RGS7: variants seen among roughly 807,000 people sequenced by gnomAD.
The protein encoded by RGS7 is regulator of G-protein signaling 7.
Under a neutral mutation model 81.1 loss-of-function variants are expected in RGS7, and 27 were observed. The observed-to-expected ratio is 0.33, with a 90% CI of 0.25 to 0.46. The LOEUF is 0.46. Among genes scored for constraint, RGS7 ranks in the 20% least tolerant of loss-of-function variants. The pLI is 1.00. For synonymous variants in RGS7, 208 were observed against 207.7 expected (o/e 1.00, Z -0.01); for missense variants, 396 against 607.4 (o/e 0.65, Z 3.66).
At chr1:240,963,888 T>C (rs1681870704) in intron 4 of RGS7, among the ~76,000 whole-genome samples, 1 of 152,224 alleles carries the variant, frequency 6.6e-6, no homozygotes, top group South Asian at 2.1e-4. Flanking sequence ...GGCCCACGCC[T>C]GTAATCCCAG....
chr1:240,800,865 T>C (rs1470063494), intron 17 of RGS7, 144 bp from the exon 18 acceptor site: 10 of 433,126 alleles, frequency 2.3e-5, no homozygotes, highest in Non-Finnish European at 4.1e-5. Context: ...AAGAAAACAC[T>C]GGTAGGAAAA....
At chr1:241,186,247 C>T (rs542619753) in intron 2 of RGS7, among the ~76,000 whole-genome samples, 1 of 152,186 alleles carries the variant, frequency 6.6e-6, no homozygotes, top group Admixed American at 6.5e-5. Flanking sequence ...ACTCAAAAAC[C>T]TGCTTATGAA....
At chr1:241,191,144 G>A (rs1362159008) in intron 2 of RGS7, among the ~76,000 whole-genome samples, 1 of 152,002 alleles carries the variant, frequency 6.6e-6, no homozygotes, top group African/African-American at 2.4e-5. Flanking sequence ...ACCACATTCA[G>A]CTAATTTTTG....
At chr1:241,161,845 G>A (rs2069715179) in intron 2 of RGS7, among the ~76,000 whole-genome samples, 1 of 151,706 alleles carries the variant, frequency 6.6e-6, no homozygotes, top group South Asian at 2.1e-4. Context: ...AGCCACCCGA[G>A]TAGCTGGGAT....
Position 240,827,247 on chromosome 1 carries a change from C to T in RGS7, c.610-75G>A, listed in dbSNP as rs371448092. 301 of 1,194,162 alleles carry T rather than the reference C, an allele frequency of 2.5e-4. 1 individual carries two copies. The highest frequency in any genetic ancestry group is 1.9e-3 in the South Asian group (156 of 82,298). The allele number at this position is 1,194,162 out of a possible 1,614,324, so 74.0% of individuals were successfully genotyped here. ...CTGACCAGGACAATCATGAATGGCT[C>T]GCTCTCCAGAGCCCGAGCAAATGCC... is the stretch of plus-strand genomic sequence containing the variant. On this transcript the variant is annotated intron_variant, in intron 9 of 18. Transcript: ENST00000440928.
chr1:240,954,423 T>C (rs1166392998), intron 4 of RGS7, among the ~76,000 whole-genome samples: 1 of 152,150 alleles, frequency 6.6e-6, no homozygotes, highest in African/African-American at 2.4e-5. Flanking sequence ...ATTGCACATA[T>C]GCAAGCCTGA....
At chr1:241,312,705 A>G (rs937885927) in intron 2 of RGS7, among the ~76,000 whole-genome samples, 1 of 152,178 alleles carries the variant, frequency 6.6e-6, no homozygotes, top group African/African-American at 2.4e-5. Context: ...ACACAACAAC[A>G]TTAAATTTAG....
At chr1:240,955,583 A>AC (rs1680273862) in intron 4 of RGS7, among the ~76,000 whole-genome samples, 8 of 91,278 alleles carry the variant, frequency 8.8e-5, no homozygotes, top group African/African-American at 3.1e-4. Flanking sequence ...AAAAAAAAAA[A>AC]CCGATTTGGA....
At chr1:241,031,055 T>G (rs2060061728) in intron 3 of RGS7, among the ~76,000 whole-genome samples, 2 of 152,214 alleles carry the variant, frequency 1.3e-5, no homozygotes, top group Admixed American at 1.3e-4. Flanking sequence ...CGGCTTTTAG[T>G]AGAACCATCA....
intron 6 of RGS7, among the ~76,000 whole-genome samples, chr1:240,894,560 C>T (rs1668743313): frequency 6.6e-6 from 1 of 151,520 alleles, no homozygotes; most frequent in Non-Finnish European, 1.5e-5. Context: ...ATTATAACGA[C>T]CATATTTATT....
At chr1:241,255,983 A>G (rs1287446306) in intron 2 of RGS7, among the ~76,000 whole-genome samples, 1 of 152,192 alleles carries the variant, frequency 6.6e-6, no homozygotes, top group East Asian at 1.9e-4. Flanking sequence ...AAGACTGAGA[A>G]GTCCTTGAAA....
At chr1:241,220,457 G>A (rs913739175) in intron 2 of RGS7, among the ~76,000 whole-genome samples, 3 of 152,250 alleles carry the variant, frequency 2.0e-5, no homozygotes, top group Admixed American at 6.5e-5. Flanking sequence ...TAGAGCCAGC[G>A]TTAAGAACTT....
chr1:241,098,079 T>G (rs995325785), intron 3 of RGS7, among the ~76,000 whole-genome samples: 3 of 152,198 alleles, frequency 2.0e-5, no homozygotes, highest in Admixed American at 1.3e-4. Flanking sequence ...TCCCGAGCAC[T>G]TTCATCACAA....
At chr1:241,152,320 A>G (rs79467853) in intron 2 of RGS7, among the ~76,000 whole-genome samples, 1,715 of 152,206 alleles carry the variant, frequency 0.011, 39 homozygotes, top group East Asian at 0.058. Context: ...ATATAATCTC[A>G]TGTTTATTAT....
chr1:241,232,337 A>G (rs990319384), intron 2 of RGS7, among the ~76,000 whole-genome samples: 1 of 152,066 alleles, frequency 6.6e-6, no homozygotes, highest in African/African-American at 2.4e-5. Flanking sequence ...CAGGCTTGAG[A>G]CACTGTACTC....
chr1:241,320,455 A>G (rs1475456879), intron 2 of RGS7, among the ~76,000 whole-genome samples: 1 of 152,252 alleles, frequency 6.6e-6, no homozygotes, highest in Non-Finnish European at 1.5e-5. Context: ...TGAATGGATA[A>G]GCAACTTTGA....
At chr1:241,270,297 G>T (rs2077807125) in intron 2 of RGS7, among the ~76,000 whole-genome samples, 1 of 152,106 alleles carries the variant, frequency 6.6e-6, no homozygotes, top group Admixed American at 6.5e-5. Context: ...TAGGATACAA[G>T]CAAGCTCATG....
chr1:240,832,134 T>C (rs1228993379), intron 9 of RGS7, among the ~76,000 whole-genome samples: 1 of 152,304 alleles, frequency 6.6e-6, no homozygotes, highest in East Asian at 1.9e-4. Flanking sequence ...TTCGTGAAAT[T>C]CGTAAAATTG....
At chr1:241,117,362 A>G (rs2065947772) in intron 2 of RGS7, among the ~76,000 whole-genome samples, 1 of 152,204 alleles carries the variant, frequency 6.6e-6, no homozygotes. Context: ...CAGAACCTAC[A>G]TCATTCATTC....
Sources: allele counts gnomAD v4.1 joint callset (sites outside exome capture counted in the v4.1 genomes callset), GRCh38; gene constraint gnomAD v4.1.1; transcripts MANE v1.5; gene names NCBI Gene and HGNC (gene_info 2026-07-23, HGNC 2026-07-21).